ROS1: variants seen among roughly 807,000 people sequenced by gnomAD.
ROS1 encodes ROS proto-oncogene 1, receptor tyrosine kinase, also known as proto-oncogene tyrosine-protein kinase ROS.
ROS1 carries 263 observed loss-of-function variants against 273.5 expected under a neutral mutation model. The observed-to-expected ratio is 0.96, with a 90% confidence interval of 0.87 to 1.06. The LOEUF is 1.06. Ranked by LOEUF, ROS1 falls within the 50% of genes least tolerant of loss-of-function variation. ROS1 has a pLI of 0.00. For missense variants in ROS1, 2,833 were observed against 2,751.1 expected, an observed-to-expected ratio of 1.03 and a Z score of -0.67; for synonymous variants, 1,008 against 954.1, an observed-to-expected ratio of 1.06 and a Z score of -1.04.
At chr6:117,292,212 T>C (rs776677765) in intron 43 of ROS1, among the ~76,000 whole-genome samples, 3 of 152,082 alleles carry the variant, frequency 2.0e-5, no homozygotes, top group Non-Finnish European at 1.5e-5. Flanking sequence ...CCTTGTGATC[T>C]GCCCGCCTTG....
Position 117,309,661 on chromosome 6 carries a change from C to T in ROS1, c.6416+420G>A, listed in dbSNP as rs116505418. On this transcript the variant is annotated intron_variant, in intron 41 of 43. Coordinates refer to ENST00000368507, the MANE Select transcript of ROS1 (RefSeq NM_001378902.1). ...CATCATTCAAATAATAAAGGGATGT[C>T]CAAATCTCCCCAGTGTCCTAATCTT... 1.2e-3 allele frequency among the ~76,000 whole-genome samples: 179 copies of T among 152,124 alleles called. 1 individual carries two copies. The highest frequency in any genetic ancestry group is 4.1e-3 in the African/African-American group (170 of 41,510).
intron 1 of ROS1, among the ~76,000 whole-genome samples, chr6:117,424,604 C>A (rs560122237): frequency 6.6e-6 from 1 of 151,824 alleles, no homozygotes. Flanking sequence ...ATGAAGTCTT[C>A]GGCAAAGATT....
chr6:117,414,119 T>G (rs1254890956), intron 4 of ROS1, among the ~76,000 whole-genome samples: 1 of 152,210 alleles, frequency 6.6e-6, no homozygotes, highest in Non-Finnish European at 1.5e-5. Context: ...GATAGAGCAC[T>G]ATACATTGTG....
At position 117,385,947 on chromosome 6, in the gene ROS1, A is replaced by G. The variant is rs530214890; in HGVS notation, c.2111-86T>C. On this transcript the variant is annotated intron_variant, in intron 15 of 43. Transcript: ENST00000368507. Reference sequence around the variant, plus strand: ...GTCAACAAATCACATCTGCACCTCAACATAATTTTAAACAACACACTGACA... The same window carrying G: ...GTCAACAAATCACATCTGCACCTCAGCATAATTTTAAACAACACACTGACA... 6.9e-5 allele frequency: 70 copies of G among 1,011,872 alleles called. No individual in the cohort carries two copies. In the African/African-American group the frequency reaches 8.6e-4, roughly 12 times the overall value. The allele number at this position is 1,011,872 out of a possible 1,614,324, so 62.7% of individuals were successfully genotyped here. A position where few individuals can be genotyped will look rare whatever the true frequency, so the allele number is the denominator to read the frequency against.
chr6:117,288,735 C>T lies in ROS1; in HGVS notation c.6783G>A (p.Lys2261=), dbSNP rs138446817. 216 of 1,613,786 alleles carry T rather than the reference C, an allele frequency of 1.3e-4. 1 individual carries two copies. Among genetic ancestry groups the T allele is most frequent in the Non-Finnish European group, 1.5e-4 (175 of 1,179,952 alleles). The part of the protein sequence containing the change: ...DIMPVALMET[K]NREGLNYMVL... Reference sequence around the variant, plus strand: ...CCATATAGTTTAACCCTTCTCGGTTCTTCGTTTCCATTAAAGCAACTGGCA... The same window carrying T: ...CCATATAGTTTAACCCTTCTCGGTTTTTCGTTTCCATTAAAGCAACTGGCA... Residue 2261 remains lysine, a synonymous_variant, in exon 44 of 44, where the codon AAG becomes AAA. Coordinates refer to ENST00000368507, the MANE Select transcript of ROS1 (RefSeq NM_001378902.1).
At chr6:117,353,910 C>T (rs897952970) in intron 26 of ROS1, among the ~76,000 whole-genome samples, 1 of 152,090 alleles carries the variant, frequency 6.6e-6, no homozygotes, top group Non-Finnish European at 1.5e-5. Context: ...CTGACAAGAA[C>T]ACATTGAGAG....
intron 18 of ROS1, among the ~76,000 whole-genome samples, chr6:117,368,714 G>A (rs114009063): frequency 0.015 from 2,340 of 152,032 alleles, 50 homozygotes; most frequent in African/African-American, 0.054. Context: ...ATATTTTTGA[G>A]TATTTTAGAA....
Position 117,414,539 on chromosome 6 carries a change from T to C in ROS1, c.235A>G (p.Thr79Ala). 1.4e-6 allele frequency: 1 copy of C among 729,820 alleles called. No individual in the cohort carries two copies. Among genetic ancestry groups the C allele is most frequent in the Non-Finnish European group, 2.5e-6 (1 of 404,708 alleles). The allele number at this position is 729,820 out of a possible 1,614,324, so 45.2% of individuals were successfully genotyped here. ...QKNCALKCNDTYATVCERESC... is the reference protein window; with the variant it reads ...QKNCALKCNDAYATVCERESC... ...CTCACCTCACAAACGGTGGCATAAG[T>C]ATCATTCTGCATAGAAAAAAAAAAA... is the stretch of plus-strand genomic sequence containing the variant. Residue 79 changes from threonine (T) to alanine (A), a missense_variant, in exon 4 of 44, where the codon ACT becomes GCT. Physicochemically the swap from Thr to Ala is moderately conservative, Grantham distance 58 (BLOSUM62 0). Transcript: ENST00000368507.
At position 117,372,330 on chromosome 6, in the gene ROS1, T is replaced by A. The variant is rs140746338; in HGVS notation, c.2583-6040A>T. Among the ~76,000 whole-genome samples, 3 of 152,290 alleles carry A rather than the reference T, an allele frequency of 2.0e-5. No individual in the cohort carries two copies. In the East Asian group the frequency reaches 5.8e-4, roughly 29 times the overall value. ...CTATCACTGTTTGCTGATAACATGA[T>A]CATATATCTAGAAAACCCTAAATAC... On this transcript the variant is annotated intron_variant, in intron 18 of 43. Coordinates refer to ENST00000368507, the MANE Select transcript of ROS1 (RefSeq NM_001378902.1).
chr6:117,330,051 C>A (rs1021001564), intron 32 of ROS1, among the ~76,000 whole-genome samples: 14 of 152,220 alleles, frequency 9.2e-5, no homozygotes, highest in Non-Finnish European at 1.2e-4. Context: ...GGACTCCCAA[C>A]TGCCTAACAC....
intron 18 of ROS1, among the ~76,000 whole-genome samples, chr6:117,372,899 C>T (rs1282663902): frequency 6.6e-6 from 1 of 152,212 alleles, no homozygotes; most frequent in African/African-American, 2.4e-5. Context: ...TATCTGGCCC[C>T]ACCCACATTC....
intron 5 of ROS1, among the ~76,000 whole-genome samples, chr6:117,406,463 T>C (rs561534591): frequency 1.3e-5 from 2 of 152,276 alleles, no homozygotes; most frequent in Admixed American, 6.5e-5. Flanking sequence ...TATTTAGACT[T>C]GGTACATCTC....
chr6:117,325,594 A>G (rs1233918257), intron 34 of ROS1, among the ~76,000 whole-genome samples: 2 of 152,186 alleles, frequency 1.3e-5, no homozygotes, highest in African/African-American at 2.4e-5. Context: ...TTTAACTGTC[A>G]GCAGTATGCG....
intron 5 of ROS1, among the ~76,000 whole-genome samples, chr6:117,408,304 A>C (rs1162636262): frequency 6.6e-6 from 1 of 152,166 alleles, no homozygotes; most frequent in East Asian, 1.9e-4. Context: ...AAATTTTTGC[A>C]ATCTACTTAT....
intron 7 of ROS1, among the ~76,000 whole-genome samples, chr6:117,397,969 A>G (rs1773632598): frequency 6.6e-6 from 1 of 152,174 alleles, no homozygotes; most frequent in African/African-American, 2.4e-5. Context: ...AATGCTCTGC[A>G]TCACCACTGA....
At chr6:117,344,023 C>G in intron 28 of ROS1, 37 bp downstream of exon 28, 1 of 1,525,638 alleles carries the variant, frequency 6.6e-7, no homozygotes, top group Non-Finnish European at 9.1e-7. Flanking sequence ...AAAAGAACAT[C>G]TTGTGAAAAG....
chr6:117,288,614 C>T lies in ROS1; in HGVS notation c.6904G>A (p.Glu2302Lys), dbSNP rs2128520834. The T allele has an allele frequency of 6.2e-7, 1 of 1,614,036 alleles. No individual in the cohort carries two copies. Among genetic ancestry groups the T allele is most frequent in the East Asian group, 2.2e-5 (1 of 44,888 alleles). ...CAGAAATCTTTGTCTGCATGTGGTT[C>T]CTTCTCTTCTTTCCTCAGACCACAA... ...ESCGLRKEEK[E>K]PHADKDFCQE... is the part of the protein sequence containing the mutation. Residue 2302 changes from glutamate (E) to lysine (K), a missense_variant, in exon 44 of 44, where the codon GAA becomes AAA. By Grantham distance (56) the Glu-to-Lys change is moderately conservative. Transcript: ENST00000368507.
At chr6:117,417,485 C>T (rs547025887) in intron 2 of ROS1, among the ~76,000 whole-genome samples, 1 of 151,836 alleles carries the variant, frequency 6.6e-6, no homozygotes, top group South Asian at 2.1e-4. Flanking sequence ...CTTGTTCCCA[C>T]ATTTGGAGTG....
intron 7 of ROS1, among the ~76,000 whole-genome samples, chr6:117,398,616 T>G (rs1360040847): frequency 2.0e-5 from 3 of 150,746 alleles, no homozygotes; most frequent in African/African-American, 7.3e-5. Context: ...GAGGCAGAAG[T>G]TGCAGTGAGC....
Sources: gnomAD v4.1 joint callset for allele counts (sites outside exome capture counted in the v4.1 genomes callset) on GRCh38, gnomAD v4.1.1 for gene constraint, MANE v1.5 for transcripts, NCBI Gene and HGNC (gene_info 2026-07-23, HGNC 2026-07-21) for gene names.